The following STXBP5L variants were observed in gnomAD, a reference collection of about 807,000 sequenced individuals.
STXBP5L encodes the protein syntaxin binding protein 5L, also known as syntaxin-binding protein 5-like.
STXBP5L carries 65 observed loss-of-function variants against 144.5 expected under a neutral mutation model. The observed-to-expected ratio is 0.45, with a 90% CI of 0.37 to 0.55. The LOEUF (loss-of-function observed/expected upper bound fraction) is 0.55, where lower values mean the gene tolerates loss of function less well. Among genes scored for constraint, STXBP5L ranks in the 20% least tolerant of loss-of-function variants. The probability of loss-of-function intolerance (pLI) is 0.00; values close to 1 mark genes in which losing one functional copy is unlikely to be tolerated. For missense variants in STXBP5L, 1,298 were observed against 1,405.5 expected, an observed-to-expected ratio of 0.92 and a Z score of 1.22; for synonymous variants, 505 against 469.6, an observed-to-expected ratio of 1.08 and a Z score of -0.97.
At chr3:121,278,500 C>A (rs867778895) in intron 18 of STXBP5L, among the ~76,000 whole-genome samples, 1 of 151,718 alleles carries the variant, frequency 6.6e-6, no homozygotes, top group Non-Finnish European at 1.5e-5. Flanking sequence ...GAAACTCTAT[C>A]GTGTCTGTAA....
At chr3:121,145,596 A>G (rs556149999) in intron 7 of STXBP5L, among the ~76,000 whole-genome samples, 2 of 152,150 alleles carry the variant, frequency 1.3e-5, no homozygotes, top group Admixed American at 1.3e-4. Context: ...TCTATTATAT[A>G]AGAACAGAGA....
At chr3:121,045,953 G>T (rs537806774) in intron 5 of STXBP5L, among the ~76,000 whole-genome samples, 1 of 152,230 alleles carries the variant, frequency 6.6e-6, no homozygotes, top group East Asian at 1.9e-4. Flanking sequence ...GGTTTTCAAG[G>T]GGAATGCTTC....
Position 120,909,686 on chromosome 3 carries a change from C to G in STXBP5L, c.108C>G (p.Ser36=). 1 of 1,612,878 alleles carries G rather than the reference C, an allele frequency of 6.2e-7. No homozygotes were observed. Among genetic ancestry groups the G allele is most frequent in the Non-Finnish European group, 8.5e-7 (1 of 1,179,654 alleles). The change falls in exon 2 of 27, where the codon TCC becomes TCG. Residue 36 remains serine (S), a synonymous_variant. Coordinates refer to ENST00000471454, the MANE Select transcript of STXBP5L (RefSeq NM_001308330.2). ...GTGGTGGTGGGGCTGGAAGTGGTTC[C>G]GTACATCCGGCGGGGACTGCAGGGG... ...SNSGGGAGSG[S]VHPAGTAGVL...
intron 9 of STXBP5L, among the ~76,000 whole-genome samples, chr3:121,198,799 G>A (rs911103545): frequency 3.3e-4 from 50 of 152,076 alleles, no homozygotes; most frequent in African/African-American, 1.2e-3. Context: ...GGTTGTAGGT[G>A]TGTGGTATTA....
intron 19 of STXBP5L, among the ~76,000 whole-genome samples, chr3:121,315,153 A>G (rs1263469406): frequency 6.6e-6 from 1 of 152,172 alleles, no homozygotes; most frequent in Non-Finnish European, 1.5e-5. Context: ...CCAAAGGATT[A>G]TAAATCATGC....
At chr3:121,202,118 C>A (rs1388945953) in intron 9 of STXBP5L, among the ~76,000 whole-genome samples, 1 of 152,018 alleles carries the variant, frequency 6.6e-6, no homozygotes, top group East Asian at 1.9e-4. Flanking sequence ...TGCTGCAAAT[C>A]CAATAATACA....
intron 3 of STXBP5L, among the ~76,000 whole-genome samples, chr3:121,023,980 G>C (rs1039913978): frequency 5.3e-5 from 8 of 151,934 alleles, no homozygotes; most frequent in African/African-American, 1.9e-4. Flanking sequence ...GGATGGTCTC[G>C]ATCTCCTGAC....
At chr3:121,019,135 C>T (rs546868094) in intron 3 of STXBP5L, among the ~76,000 whole-genome samples, 29 of 152,248 alleles carry the variant, frequency 1.9e-4, no homozygotes, top group Non-Finnish European at 2.5e-4. Context: ...CTGTGGGATG[C>T]AGCAGAGGCA....
At chr3:120,974,921 T>A (rs995227020) in intron 3 of STXBP5L, among the ~76,000 whole-genome samples, 21 of 152,332 alleles carry the variant, frequency 1.4e-4, no homozygotes, top group African/African-American at 4.8e-4. Flanking sequence ...TTGGTACCAG[T>A]ACCATGCTGT....
intron 15 of STXBP5L, among the ~76,000 whole-genome samples, chr3:121,253,210 A>C (rs1171078055): frequency 6.6e-6 from 1 of 152,092 alleles, no homozygotes; most frequent in East Asian, 1.9e-4. Flanking sequence ...TTTTTTAAAA[A>C]ATCTATTTTA....
intron 4 of STXBP5L, 22 bp downstream of exon 4, chr3:121,041,803 C>G (rs1295181279): frequency 6.5e-7 from 1 of 1,530,632 alleles, no homozygotes; most frequent in South Asian, 1.1e-5. Context: ...TTTTTGACTA[C>G]TTAAATCACA....
chr3:121,340,290 G>T (rs188603822), intron 20 of STXBP5L, among the ~76,000 whole-genome samples: 223 of 151,888 alleles, frequency 1.5e-3, no homozygotes, highest in African/African-American at 4.9e-3. Context: ...GTATAGAAAG[G>T]CATGGAATAT....
At chr3:120,989,880 C>T (rs2107948667) in intron 3 of STXBP5L, among the ~76,000 whole-genome samples, 1 of 152,290 alleles carries the variant, frequency 6.6e-6, no homozygotes, top group Non-Finnish European at 1.5e-5. Flanking sequence ...TTGAAGCATT[C>T]TCTTTGAAAA....
At chr3:121,365,000 GTC>G (rs1421433184) in intron 20 of STXBP5L, among the ~76,000 whole-genome samples, 2 of 151,390 alleles carry the variant, frequency 1.3e-5, no homozygotes, top group Admixed American at 1.3e-4. Context: ...CTTTTTTTGA[GTC>G]TCTATCTGAG....
chr3:121,028,691 A>G (rs1186283521), intron 3 of STXBP5L, among the ~76,000 whole-genome samples: 1 of 152,062 alleles, frequency 6.6e-6, no homozygotes, highest in Non-Finnish European at 1.5e-5. Flanking sequence ...TGGTAGTAGC[A>G]AAGAAAATAA....
At chr3:120,952,627 A>T (rs1344774688) in intron 2 of STXBP5L, among the ~76,000 whole-genome samples, 2 of 152,072 alleles carry the variant, frequency 1.3e-5, no homozygotes, top group South Asian at 2.1e-4. Flanking sequence ...TATCTTCATA[A>T]AAACACTTTG....
chr3:121,311,972 A>T (rs554891153), intron 19 of STXBP5L, among the ~76,000 whole-genome samples: 1 of 152,232 alleles, frequency 6.6e-6, no homozygotes, highest in Non-Finnish European at 1.5e-5. Flanking sequence ...CCAAAACAGC[A>T]TGGTACTGGT....
At chr3:121,167,745 T>C (rs752512676) in intron 9 of STXBP5L, among the ~76,000 whole-genome samples, 48 of 152,244 alleles carry the variant, frequency 3.2e-4, no homozygotes, top group Non-Finnish European at 6.9e-4. Context: ...GGGGTGGCTG[T>C]GGGTGCAGCT....
intron 5 of STXBP5L, among the ~76,000 whole-genome samples, chr3:121,054,976 G>A (rs1437369421): frequency 6.6e-6 from 1 of 152,092 alleles, no homozygotes; most frequent in Non-Finnish European, 1.5e-5. Flanking sequence ...GACTTTTTGG[G>A]AGGAAGAATT....
Sources: allele counts gnomAD v4.1 joint callset (sites outside exome capture counted in the v4.1 genomes callset), GRCh38; gene constraint gnomAD v4.1.1; transcripts MANE v1.5; gene names NCBI Gene and HGNC (gene_info 2026-07-23, HGNC 2026-07-21).